MACF1: variants seen among roughly 807,000 people sequenced by gnomAD.
MACF1 encodes the protein microtubule actin crosslinking factor 1.
In MACF1, 193 loss-of-function variants were observed where a neutral mutation model predicts 854.8. The observed-to-expected ratio is 0.23, with a 90% confidence interval of 0.20 to 0.25. MACF1 has a LOEUF of 0.25. Among genes scored for constraint, MACF1 ranks in the 10% least tolerant of loss-of-function variants. The probability of loss-of-function intolerance (pLI) is 1.00; values close to 1 mark genes in which losing one functional copy is unlikely to be tolerated. For missense variants in MACF1, 7,722 were observed against 8,929.1 expected, an observed-to-expected ratio of 0.86 and a Z score of 5.45; for synonymous variants, 3,185 against 3,226.7, an observed-to-expected ratio of 0.99 and a Z score of 0.44.
chr1:39,393,194 A>T (rs867476474), intron 58 of MACF1, among the ~76,000 whole-genome samples: 2,046 of 78,288 alleles, frequency 0.026, 48 homozygotes, highest in African/African-American at 0.092. Context: ...AAAAAAAAAA[A>T]AAATATATAT....
chr1:39,322,015 T>A (rs1006747591), intron 31 of MACF1, among the ~76,000 whole-genome samples: 1 of 152,208 alleles, frequency 6.6e-6, no homozygotes, highest in Non-Finnish European at 1.5e-5. Context: ...GAGAGTGGAC[T>A]AGAGCAGAAC....
chr1:39,442,603 G>A (rs1570099306), intron 77 of MACF1, 36 bp downstream of exon 77: 1 of 1,613,020 alleles, frequency 6.2e-7, no homozygotes, highest in Middle Eastern at 1.7e-4. Context: ...TAACCCTATT[G>A]ATTTGAGACC....
In MACF1 at chr1:39,484,631, C is replaced by T. The variant is rs1645071959; in HGVS notation, c.22312C>T (p.Arg7438Ter). 2 of 1,613,630 alleles carry T rather than the reference C, an allele frequency of 1.2e-6. No homozygotes were observed. Among genetic ancestry groups the T allele is most frequent in the Middle Eastern group, 1.7e-4 (1 of 6,058 alleles). Reference protein sequence around the residue: ...VIPSSGSKLKRPTPTFHSSRT... With the variant: ...VIPSSGSKLK ...CCCATCATCAGGTAGCAAGTTGAAA[C>T]GACCAACACCAACTTTTCATTCTAG... The change falls in exon 100 of 101, where the codon CGA becomes TGA. Residue 7438 changes from arginine to a stop codon, truncating the protein, a stop_gained. Coordinates refer to ENST00000564288, the MANE Select transcript of MACF1 (RefSeq NM_001394062.1). LOFTEE classifies it high-confidence loss of function.
At chr1:39,202,793 C>T (rs1426469170), upstream of MACF1, among the ~76,000 whole-genome samples, 1 of 152,096 alleles carries the variant, frequency 6.6e-6, no homozygotes, top group Non-Finnish European at 1.5e-5. Flanking sequence ...TCTGTGAGAG[C>T]AAGGTCTTTG....
At chr1:39,288,633 T>C (rs372678948) in intron 15 of MACF1, among the ~76,000 whole-genome samples, 12 of 151,712 alleles carry the variant, frequency 7.9e-5, no homozygotes, top group African/African-American at 2.9e-4. Flanking sequence ...ATCCCATCTG[T>C]ATGGAAAACT....
At chr1:39,176,088 C>T (rs1426665267) in intron 2 of MACF1, among the ~76,000 whole-genome samples, 40 of 59,710 alleles carry the variant, frequency 6.7e-4, no homozygotes, top group Non-Finnish European at 1.3e-3. Flanking sequence ...CCAGCCTGGG[C>T]GACAGAGCGA....
chr1:39,464,637 G>C (rs1343020761), intron 94 of MACF1: 1 of 159,498 alleles, frequency 6.3e-6, no homozygotes, highest in Admixed American at 6.2e-5. Flanking sequence ...GCCGGGCGTG[G>C]TGGCTCACAC....
At chr1:39,399,018 T>C (rs576059694) in intron 58 of MACF1, among the ~76,000 whole-genome samples, 2 of 152,336 alleles carry the variant, frequency 1.3e-5, no homozygotes, top group African/African-American at 4.8e-5. Context: ...ATAGCTAGCA[T>C]ATACATACAT....
chr1:39,284,287 G>C (rs748472075), intron 10 of MACF1, 46 bp from the exon 11 acceptor site: 48 of 1,564,076 alleles, frequency 3.1e-5, no homozygotes, highest in Non-Finnish European at 4.0e-5. Flanking sequence ...GAAAAATTGG[G>C]TCCTATAGTT....
Position 39,442,849 on chromosome 1 carries a change from T to C in MACF1, c.19240T>C (p.Trp6414Arg), listed in dbSNP as rs749015706. ...CCGTTTGGAAGCCATGAACCAATGC[T>C]GGGAGTCAGTGTTACAGAAAACAGA... is the stretch of plus-strand genomic sequence containing the variant. ...RSRLEAMNQC[W>R]ESVLQKTEER... The change falls in exon 78 of 101, where the codon TGG becomes CGG. Residue 6414 changes from tryptophan (W) to arginine (R), a missense_variant. Trp to Arg is a moderately radical substitution (Grantham distance 101). This residue lies in a region of MACF1 where 729 missense variants were observed against 900.5 expected (regional missense o/e 0.81). Coordinates refer to ENST00000564288, the MANE Select transcript of MACF1 (RefSeq NM_001394062.1). 1 of 1,614,058 alleles carries C rather than the reference T, an allele frequency of 6.2e-7. No homozygotes were observed. The highest frequency in any genetic ancestry group is 1.7e-5 in the Admixed American group (1 of 60,016).
intron 2 of MACF1, among the ~76,000 whole-genome samples, chr1:39,177,412 T>C (rs1399648937): frequency 1.3e-5 from 2 of 152,110 alleles, no homozygotes; most frequent in Admixed American, 1.3e-4. Flanking sequence ...GTGAGCCACC[T>C]TTCCCGGCCT....
chr1:39,477,135 TACACAC>T (rs1553458204), intron 97 of MACF1, among the ~76,000 whole-genome samples: 1 of 103,368 alleles, frequency 9.7e-6, no homozygotes, highest in Non-Finnish European at 1.9e-5. Flanking sequence ...TATATATATA[TACACAC>T]ACACACACAC....
chr1:39,422,687 A>G, intron 59 of MACF1, 43 bp from the exon 60 acceptor site: 2 of 1,590,404 alleles, frequency 1.3e-6, no homozygotes, highest in South Asian at 1.1e-5. Flanking sequence ...TTTGAAAACT[A>G]CTTTCTCCGT....
At chr1:39,271,041 A>G (rs1187755017) in intron 6 of MACF1, among the ~76,000 whole-genome samples, 1 of 152,176 alleles carries the variant, frequency 6.6e-6, no homozygotes, top group Non-Finnish European at 1.5e-5. Flanking sequence ...AAACATGGAT[A>G]TGTGTGGTGG....
chr1:39,144,949 C>A (rs937409746), intron 2 of MACF1, among the ~76,000 whole-genome samples: 3 of 152,166 alleles, frequency 2.0e-5, no homozygotes, highest in African/African-American at 7.2e-5. Flanking sequence ...CTGCTGTTTC[C>A]CAGTCTGTCA....
intron 89 of MACF1, among the ~76,000 whole-genome samples, chr1:39,455,474 G>GC (rs953626720): frequency 3.9e-5 from 6 of 152,148 alleles, no homozygotes; most frequent in African/African-American, 1.2e-4. Flanking sequence ...CCTTCTAGAG[G>GC]CCCCCTCAGG....
At chr1:39,124,049 A>AT (rs1009496081) in intron 2 of MACF1, among the ~76,000 whole-genome samples, 2,029 of 123,198 alleles carry the variant, frequency 0.016, 25 homozygotes, top group African/African-American at 0.031. Flanking sequence ...CAATTCTTGT[A>AT]TTTTTTTTTT....
chr1:39,378,963 G>T (rs1411113216), intron 53 of MACF1, among the ~76,000 whole-genome samples: 1 of 152,086 alleles, frequency 6.6e-6, no homozygotes, highest in Non-Finnish European at 1.5e-5. Flanking sequence ...CACTTTTGTT[G>T]TTCCCATGTT....
chr1:39,233,342 T>G (rs900022401), intron 2 of MACF1, among the ~76,000 whole-genome samples: 3 of 152,184 alleles, frequency 2.0e-5, no homozygotes, highest in Non-Finnish European at 4.4e-5. Context: ...CCAACCCAGG[T>G]CTTTCTTGTT....
Sources: gnomAD v4.1 joint callset for allele counts (sites outside exome capture counted in the v4.1 genomes callset) on GRCh38, gnomAD v4.1.1 for gene constraint, gnomAD v4.1.1 regional missense constraint, MANE v1.5 for transcripts, NCBI Gene and HGNC (gene_info 2026-07-23, HGNC 2026-07-21) for gene names.